Variants in OR6C4 observed in about 807,000 individuals in gnomAD.
OR6C4 encodes olfactory receptor 6C4.
OR6C4 carries 20 observed loss-of-function variants against 15.1 expected under a neutral mutation model. The ratio of observed to expected loss-of-function variants is 1.32; its 90% CI spans 0.93 to 1.92. The LOEUF is 1.92. OR6C4 is among the 30% of genes most tolerant of loss of function. The pLI is 0.00. For missense variants in OR6C4, 491 were observed against 363.2 expected (o/e 1.35, Z -2.86); for synonymous variants, 179 against 134.2 (o/e 1.33, Z -2.31).
rs756183376 is a variant in OR6C4, at chr12:55,552,164, G to T, written c.*8G>T. 1.9e-6 allele frequency: 3 copies of T among 1,560,232 alleles called. No individual in the cohort carries two copies. Among genetic ancestry groups the T allele is most frequent in the African/African-American group, 1.4e-5 (1 of 72,476 alleles). ...AAGATTGTGAAACTTTAAAAAAGGA[G>T]ATTACACTTCAAAATACATTTTCAC... On this transcript the variant is annotated 3_prime_UTR_variant, in exon 2 of 2. Transcript: ENST00000641569.
In OR6C4 at chr12:55,551,786, G is replaced by C. The variant is rs750282383; in HGVS notation, c.560G>C (p.Cys187Ser). ...TATGGGCCTCTCGTGGAGCTTGCCT[G>C]CTCAGACACAAGCCTCTTAGAACTG... The part of the protein sequence containing the change: ...CDYGPLVELA[C>S]SDTSLLELMV... Residue 187 changes from cysteine (C) to serine (S), a missense_variant, in exon 2 of 2, where the codon TGC becomes TCC. Transcript: ENST00000641569. 2 of 1,612,378 alleles carry C rather than the reference G, an allele frequency of 1.2e-6. No homozygotes were observed. Among genetic ancestry groups the C allele is most frequent in the South Asian group, 2.2e-5 (2 of 91,080 alleles).
Position 55,551,773 on chromosome 12 carries a change from G to A in OR6C4, c.547G>A (p.Val183Met), listed in dbSNP as rs370292676. The A allele has an allele frequency of 1.1e-5, 18 of 1,613,018 alleles. No homozygotes were observed. The Admixed American group carries it at 1.2e-4, about 10-fold the overall frequency. Residue 183 changes from valine to methionine, a missense_variant, in exon 2 of 2, where the codon GTG becomes ATG. By Grantham distance (21) the Val-to-Met change is conservative. Coordinates refer to ENST00000641569, the MANE Select transcript of OR6C4 (RefSeq NM_001005494.2). ...NHYYCDYGPL[V>M]ELACSDTSLL... ...CTATTACTGTGACTATGGGCCTCTC[G>A]TGGAGCTTGCCTGCTCAGACACAAG...
Position 55,551,288 on chromosome 12 carries a change from T to G in OR6C4, c.62T>G (p.Leu21Arg). ...ILLGLTNQPE[L>R]QVMIFIFLFL... is the part of the protein sequence containing the mutation. ...CTGGGCCTTACAAATCAACCTGAAC[T>G]CCAAGTGATGATATTCATCTTTCTG... is the stretch of plus-strand genomic sequence containing the variant. The change falls in exon 2 of 2, where the codon CTC (leucine) becomes CGC (arginine). Residue 21 changes from leucine (L) to arginine (R), a missense_variant. Leu to Arg is a moderately radical substitution (Grantham distance 102, BLOSUM62 -2). Coordinates refer to ENST00000641569, the MANE Select transcript of OR6C4 (RefSeq NM_001005494.2). The G allele has an allele frequency of 6.2e-7, 1 of 1,613,566 alleles. No homozygotes were observed. Among genetic ancestry groups the G allele is most frequent in the Non-Finnish European group, 8.5e-7 (1 of 1,179,710 alleles).
In OR6C4 at chr12:55,551,498, G is replaced by T. The variant is rs747995524; in HGVS notation, c.272G>T (p.Ser91Ile). Residue 91 changes from serine to isoleucine, a missense_variant, in exon 2 of 2, where the codon AGC becomes ATC. Physicochemically the swap from Ser to Ile is moderately radical, Grantham distance 142. Coordinates refer to ENST00000641569, the MANE Select transcript of OR6C4 (RefSeq NM_001005494.2). ...ATGACAACAGGAAATAAAGTTATCA[G>T]CTTTGCTGGCTGCTTGACTCAGTAT... ...TSMTTGNKVI[S>I]FAGCLTQYFF... The T allele has an allele frequency of 1.6e-5, 26 of 1,613,746 alleles. No individual in the cohort carries two copies. Among genetic ancestry groups the T allele is most frequent in the South Asian group, 2.2e-5 (2 of 91,082 alleles).
At position 55,549,768 on chromosome 12, in the gene OR6C4, A is replaced by G. The variant is rs529039179; in HGVS notation, c.-369A>G. 2.0e-5 allele frequency: 3 copies of G among 152,302 alleles called. No homozygotes were observed. In the South Asian group the frequency reaches 6.2e-4, roughly 32 times the overall value. The allele number at this position is 152,302 out of a possible 1,614,324, so 9.4% of individuals were successfully genotyped here. ...TGAAGTTCTCTGTCTCTCAGGAACT[A>G]TGATTTGATTCTGGATTGGATTCTT... is the stretch of plus-strand genomic sequence containing the variant. On this transcript the variant is annotated 5_prime_UTR_variant, in exon 1 of 2. The change abolishes an upstream ATG in the 5' untranslated region. Coordinates refer to ENST00000641569, the MANE Select transcript of OR6C4 (RefSeq NM_001005494.2).
At position 55,554,124 on chromosome 12, in the gene OR6C4, C is replaced by T. The variant is rs1048786508; in HGVS notation, c.*1968C>T. On this transcript the variant is annotated 3_prime_UTR_variant, in exon 2 of 2. Coordinates refer to ENST00000641569, the MANE Select transcript of OR6C4 (RefSeq NM_001005494.2). ...AAGGCCAGCATATTTCTACTCTCCA[C>T]ACATCCAGCTGCATGCTGGGTAGCT... 2.0e-5 allele frequency: 3 copies of T among 152,184 alleles called. No individual in the cohort carries two copies. The highest frequency in any genetic ancestry group is 4.8e-5 in the African/African-American group (2 of 41,450). The allele number at this position is 152,184 out of a possible 1,614,324, so 9.4% of individuals were successfully genotyped here.
At position 55,551,954 on chromosome 12, in the gene OR6C4, T is replaced by G. The variant is rs1873883283; in HGVS notation, c.728T>G (p.Met243Arg). 15 of 1,613,814 alleles carry G rather than the reference T, an allele frequency of 9.3e-6. No homozygotes were observed. Among genetic ancestry groups the G allele is most frequent in the African/African-American group, 1.3e-5 (1 of 74,910 alleles). ...TKAFSTCSSH[M>R]IVISLSYGSC... Reference sequence around the variant, plus strand: ...GCCTTTTCCACTTGTTCCTCCCACATGATTGTCATCTCCCTCTCTTATGGC... The same window carrying G: ...GCCTTTTCCACTTGTTCCTCCCACAGGATTGTCATCTCCCTCTCTTATGGC... The change falls in exon 2 of 2, where the codon ATG becomes AGG. Residue 243 changes from methionine (M) to arginine (R), a missense_variant. By Grantham distance (91) the Met-to-Arg change is moderately conservative. Transcript: ENST00000641569.
At position 55,549,869 on chromosome 12, in the gene OR6C4, A is replaced by C. The variant is rs1185061550; in HGVS notation, c.-268A>C. The stretch of plus-strand genomic sequence containing the variant: ...ATACTTCTATTAAGAGAAAGGTAAA[A>C]TGTGGATGGAAGCCAATAGAAAACA... On this transcript the variant is annotated 5_prime_UTR_variant, in exon 1 of 2. The change abolishes an upstream ATG in the 5' untranslated region. Transcript: ENST00000641569. The C allele has an allele frequency of 6.6e-6, 1 of 152,182 alleles. No homozygotes were observed. Among genetic ancestry groups the C allele is most frequent in the Non-Finnish European group, 1.5e-5 (1 of 68,030 alleles). The allele number at this position is 152,182 out of a possible 1,614,324, so 9.4% of individuals were successfully genotyped here. A position where few individuals can be genotyped will look rare whatever the true frequency, so the allele number is the denominator to read the frequency against.
rs1458221728 is a variant in OR6C4 at position 55,554,209 on chromosome 12, T to C, written c.*2053T>C. 6.6e-6 allele frequency: 1 copy of C among 152,140 alleles called. No individual in the cohort carries two copies. Among genetic ancestry groups the C allele is most frequent in the Admixed American group, 6.6e-5 (1 of 15,266 alleles). 9.4% of individuals were successfully genotyped at this position (152,140 alleles called of 1,614,324 possible). A position where few individuals can be genotyped will look rare whatever the true frequency, so the allele number is the denominator to read the frequency against. The stretch of plus-strand genomic sequence containing the variant: ...AGCCATCAAAATACTTGGCAGCAGG[T>C]TATAAGAACTGGGCTAGCATCAACT... On this transcript the variant is annotated 3_prime_UTR_variant, in exon 2 of 2. Transcript: ENST00000641569.
chr12:55,551,080 A>G (rs903849716), intron 1 of OR6C4, 129 bp from the exon 2 acceptor site: 14 of 620,242 alleles, frequency 2.3e-5, no homozygotes, highest in African/African-American at 1.1e-4. Flanking sequence ...GTGCACCCCA[A>G]TGGGACACTG....
At position 55,551,351 on chromosome 12, in the gene OR6C4, C is replaced by G. The variant is rs1873851676; in HGVS notation, c.125C>G (p.Thr42Ser). The G allele has an allele frequency of 1.9e-6, 3 of 1,613,602 alleles. No homozygotes were observed. Among genetic ancestry groups the G allele is most frequent in the East Asian group, 4.5e-5 (2 of 44,868 alleles). Residue 42 changes from threonine to serine, a missense_variant, in exon 2 of 2, where the codon ACT becomes AGT. By Grantham distance (58) the Thr-to-Ser change is moderately conservative. Transcript: ENST00000641569. ...ATGCTAAGTATCCTAGGAAATCTGA[C>G]TATTATCACCCTCACCTTACTAGAC... ...TYMLSILGNL[T>S]IITLTLLDPH...
intron 1 of OR6C4, 70 bp downstream of exon 1, chr12:55,550,188 T>C (rs1565719034): frequency 6.6e-6 from 1 of 152,282 alleles, no homozygotes; most frequent in East Asian, 1.9e-4. Context: ...CCAAAACCTG[T>C]ATGGAAAGTT....
In OR6C4 at chr12:55,552,386, G is replaced by A. The variant is rs1873899950; in HGVS notation, c.*230G>A. On this transcript the variant is annotated 3_prime_UTR_variant, in exon 2 of 2. Transcript: ENST00000641569. The stretch of plus-strand genomic sequence containing the variant: ...ATTGTTATTAGAGAAGAGTGAATGG[G>A]GATCTGAAAAGGAACAGTTGGAAAG... The A allele has an allele frequency of 2.7e-6, 1 of 375,730 alleles. No homozygotes were observed. Among genetic ancestry groups the A allele is most frequent in the Non-Finnish European group, 4.7e-6 (1 of 213,588 alleles). The allele number at this position is 375,730 out of a possible 1,614,324, so 23.3% of individuals were successfully genotyped here.
In OR6C4 at chr12:55,553,202, A is replaced by G. The variant is rs1258884049; in HGVS notation, c.*1046A>G. 1 of 152,144 alleles carries G rather than the reference A, an allele frequency of 6.6e-6. No homozygotes were observed. Among genetic ancestry groups the G allele is most frequent in the Middle Eastern group, 3.2e-3 (1 of 316 alleles). The allele number at this position is 152,144 out of a possible 1,614,324, so 9.4% of individuals were successfully genotyped here. ...AGTCTTGAAAAACAACTAGAAATAG[A>G]CTATCCTACCAAAAACTTTACACAT... On this transcript the variant is annotated 3_prime_UTR_variant, in exon 2 of 2. Transcript: ENST00000641569.
Position 55,554,263 on chromosome 12 carries a change from C to T in OR6C4, c.*2107C>T, listed in dbSNP as rs1192032810. ...TTGCCCTAGATATCTATGGGAGAGA[C>T]AGGATGTATTAACATGCTGAGACAA... On this transcript the variant is annotated 3_prime_UTR_variant, in exon 2 of 2. Transcript: ENST00000641569. 2 of 152,076 alleles carry T rather than the reference C, an allele frequency of 1.3e-5. No individual in the cohort carries two copies. Among genetic ancestry groups the T allele is most frequent in the Non-Finnish European group, 1.5e-5 (1 of 68,008 alleles). 9.4% of individuals were successfully genotyped at this position (152,076 alleles called of 1,614,324 possible). A position where few individuals can be genotyped will look rare whatever the true frequency, so the allele number is the denominator to read the frequency against.
rs1359813085 is a variant in OR6C4 at position 55,554,423 on chromosome 12, A to AT, written c.*2267_*2268insT. 6.6e-6 allele frequency: 1 copy of AT among 152,190 alleles called. No homozygotes were observed. The highest frequency in any genetic ancestry group is 1.5e-5 in the Non-Finnish European group (1 of 68,024). The allele number at this position is 152,190 out of a possible 1,614,324, so 9.4% of individuals were successfully genotyped here. A position where few individuals can be genotyped will look rare whatever the true frequency, so the allele number is the denominator to read the frequency against. On this transcript the variant is annotated 3_prime_UTR_variant, in exon 2 of 2. Coordinates refer to ENST00000641569, the MANE Select transcript of OR6C4 (RefSeq NM_001005494.2). ...TTCTAAATGAGCTTGTCAAAAAAAA[A>AT]AAAGCAAGTCATATTCTTCTAAAGC...
In OR6C4 at chr12:55,552,410, A is replaced by G. The variant is rs934302395; in HGVS notation, c.*254A>G. On this transcript the variant is annotated 3_prime_UTR_variant, in exon 2 of 2. Coordinates refer to ENST00000641569, the MANE Select transcript of OR6C4 (RefSeq NM_001005494.2). ...GGGATCTGAAAAGGAACAGTTGGAA[A>G]GAATTAGTTCTGTTTTCCATAAATT... The G allele has an allele frequency of 6.1e-6, 2 of 329,218 alleles. No homozygotes were observed. Among genetic ancestry groups the G allele is most frequent in the Non-Finnish European group, 1.1e-5 (2 of 184,530 alleles). The allele number at this position is 329,218 out of a possible 1,614,324, so 20.4% of individuals were successfully genotyped here.
rs1873941846 is a variant in OR6C4, at chr12:55,553,816, A to G, written c.*1660A>G. 6.6e-6 allele frequency: 1 copy of G among 152,168 alleles called. No individual in the cohort carries two copies. The highest frequency in any genetic ancestry group is 1.5e-5 in the Non-Finnish European group (1 of 68,036). 9.4% of individuals were successfully genotyped at this position (152,168 alleles called of 1,614,324 possible). On this transcript the variant is annotated 3_prime_UTR_variant, in exon 2 of 2. Transcript: ENST00000641569. ...CTTTCTACCAAAGTTACCTGGGGAT[A>G]GTTACTTGATCTCTCTAAGGCTCAC...
chr12:55,551,110 T>C, intron 1 of OR6C4, 99 bp from the exon 2 acceptor site: 1 of 744,582 alleles, frequency 1.3e-6, no homozygotes, highest in Non-Finnish European at 2.2e-6. Context: ...ATATGGATGG[T>C]GAGCAATGTA....
Sources: allele counts gnomAD v4.1 joint callset, GRCh38; gene constraint gnomAD v4.1.1; transcripts MANE v1.5; gene names NCBI Gene and HGNC (gene_info 2026-07-23, HGNC 2026-07-21).